The following ARL8B variants were observed in gnomAD, a reference collection of about 807,000 sequenced individuals.
The protein encoded by ARL8B is ARF like GTPase 8B.
In ARL8B, 9 loss-of-function variants were observed where a neutral mutation model predicts 30.6. That is an observed-to-expected ratio of 0.29 (90% CI 0.18 to 0.51). The LOEUF (loss-of-function observed/expected upper bound fraction) is 0.51, where lower values mean the gene tolerates loss of function less well. Ranked by LOEUF, ARL8B falls within the 20% of genes least tolerant of loss-of-function variation. The pLI, the probability that ARL8B is intolerant of heterozygous loss-of-function variation, is 0.97. For synonymous variants in ARL8B, 74 were observed against 76.0 expected (o/e 0.97, Z 0.14); for missense variants, 130 against 227.2 (o/e 0.57, Z 2.75).
chr3:5,159,602 C>CAAA (rs71053495), intron 1 of ARL8B, among the ~76,000 whole-genome samples: 40 of 76,952 alleles, frequency 5.2e-4, no homozygotes, highest in African/African-American at 5.6e-4. Flanking sequence ...AACTCCGTCT[C>CAAA]AAAAAAAAAA....
At chr3:5,158,817 C>A (rs2054554397) in intron 1 of ARL8B, among the ~76,000 whole-genome samples, 1 of 150,978 alleles carries the variant, frequency 6.6e-6, no homozygotes, top group South Asian at 2.1e-4. Context: ...TTTATTAGTC[C>A]CTTGATTCTG....
At chr3:5,169,305 T>TTGTG (rs10575722) in intron 1 of ARL8B, among the ~76,000 whole-genome samples, 1,571 of 142,958 alleles carry the variant, frequency 0.011, 10 homozygotes, top group Middle Eastern at 0.04. Context: ...AATACAGTGT[T>TTGTG]TGTGTGTGTG....
At chr3:5,150,867 T>G (rs4054852) in intron 1 of ARL8B, among the ~76,000 whole-genome samples, 62,293 of 151,710 alleles carry the variant, frequency 0.41, 14,067 homozygotes, top group African/African-American at 0.63. Flanking sequence ...TAAGAAGCTT[T>G]GAAGTTAGTG....
rs748811554 is a variant in ARL8B, at chr3:5,122,538, C to A, written c.73C>A (p.Leu25Ile). The change falls in exon 1 of 7, where the codon CTC becomes ATC. Residue 25 changes from leucine to isoleucine, a missense_variant. Physicochemically the swap from Leu to Ile is conservative, Grantham distance 5 (BLOSUM62 2). Transcript: ENST00000256496. ...CTGGAAGGAAGAGATGGAGCTGACG[C>A]TCGTGGGGCTGCAGTACTCGGGCAA... ...LFWKEEMELTLVGLQYSGKTT... is the reference protein window; with the variant it reads ...LFWKEEMELTIVGLQYSGKTT... 59 of 1,612,788 alleles carry A rather than the reference C, an allele frequency of 3.7e-5. No homozygotes were observed. In the Admixed American group the frequency reaches 8.0e-4, roughly 22 times the overall value.
At chr3:5,177,239 A>C (rs1309386226) in intron 6 of ARL8B, among the ~76,000 whole-genome samples, 3 of 152,214 alleles carry the variant, frequency 2.0e-5, no homozygotes, top group Non-Finnish European at 4.4e-5. Context: ...TAGTAATTTT[A>C]GAACTCCTGG....
intron 1 of ARL8B, among the ~76,000 whole-genome samples, chr3:5,155,405 T>C (rs2106564301): frequency 6.6e-6 from 1 of 152,160 alleles, no homozygotes; most frequent in Middle Eastern, 3.4e-3. Flanking sequence ...CTACTTGGAG[T>C]TTGATGAGCT....
intron 1 of ARL8B, among the ~76,000 whole-genome samples, chr3:5,147,359 T>C (rs2054429043): frequency 6.6e-6 from 1 of 152,206 alleles, no homozygotes; most frequent in Admixed American, 6.5e-5. Flanking sequence ...CTCATCCTTT[T>C]TTATGGCTGC....
chr3:5,161,842 C>CA (rs1204730300), intron 1 of ARL8B, among the ~76,000 whole-genome samples: 1 of 152,198 alleles, frequency 6.6e-6, no homozygotes, highest in East Asian at 1.9e-4. Flanking sequence ...CTTGGATACT[C>CA]AATCACCTCA....
intron 1 of ARL8B, among the ~76,000 whole-genome samples, chr3:5,135,206 AATC>A (rs2054314034): frequency 6.6e-6 from 1 of 152,142 alleles, no homozygotes; most frequent in Non-Finnish European, 1.5e-5. Flanking sequence ...TATTTTATGT[AATC>A]ATCCTTTCCT....
rs1315413980 is a variant in ARL8B, at chr3:5,180,773, G to T, written c.*2060G>T. ...TATTGGCAATTTTAACTTAAAATGT[G>T]CATCATGATGGAAGGTGCAGACTTT... On this transcript the variant is annotated 3_prime_UTR_variant, in exon 7 of 7. Coordinates refer to ENST00000256496, the MANE Select transcript of ARL8B (RefSeq NM_018184.3). The T allele has an allele frequency of 6.6e-6, 1 of 152,616 alleles. No individual in the cohort carries two copies. The highest frequency in any genetic ancestry group is 1.5e-5 in the Non-Finnish European group (1 of 68,044). 9.5% of individuals were successfully genotyped at this position (152,616 alleles called of 1,614,324 possible). A position where few individuals can be genotyped will look rare whatever the true frequency, so the allele number is the denominator to read the frequency against.
intron 1 of ARL8B, among the ~76,000 whole-genome samples, chr3:5,168,156 C>T (rs2054640195): frequency 1.3e-5 from 2 of 152,158 alleles, no homozygotes; most frequent in Non-Finnish European, 2.9e-5. Context: ...AGATCTCAAC[C>T]TCCACCTCCC....
chr3:5,122,488 T>G lies in ARL8B; in HGVS notation c.23T>G (p.Leu8Arg). Residue 8 changes from leucine to arginine, a missense_variant, in exon 1 of 7, where the codon CTG (leucine) becomes CGG (arginine). Leu to Arg is a moderately radical substitution (Grantham distance 102). Coordinates refer to ENST00000256496, the MANE Select transcript of ARL8B (RefSeq NM_018184.3). ...ATCATGCTGGCGCTCATCTCCCGCCTGCTGGACTGGTTCCGTTCGCTCTTC... is the reference window on the plus strand; with the variant it reads ...ATCATGCTGGCGCTCATCTCCCGCCGGCTGGACTGGTTCCGTTCGCTCTTC... MLALISR[L>R]LDWFRSLFWK... 1.2e-6 allele frequency: 2 copies of G among 1,613,656 alleles called. No individual in the cohort carries two copies. Among genetic ancestry groups the G allele is most frequent in the Non-Finnish European group, 1.7e-6 (2 of 1,179,762 alleles).
In ARL8B at chr3:5,170,505, A is replaced by T. The variant is rs746599382; in HGVS notation, c.126A>T (p.Ser42=). 3.1e-6 allele frequency: 5 copies of T among 1,607,510 alleles called. No individual in the cohort carries two copies. Among genetic ancestry groups the T allele is most frequent in the Non-Finnish European group, 4.2e-6 (5 of 1,176,578 alleles). ...GKTTFVNVIA[S]GQFSEDMIPT... is the part of the protein sequence containing the mutation. ...TTCAAATGTTTTATTTTGTTCAGTC[A>T]GGTCAATTCAGTGAAGATATGATAC... Residue 42 remains serine (S), a splice_region_variant and synonymous_variant, in exon 2 of 7, where the codon TCA becomes TCT. Coordinates refer to ENST00000256496, the MANE Select transcript of ARL8B (RefSeq NM_018184.3).
intron 1 of ARL8B, among the ~76,000 whole-genome samples, chr3:5,137,439 T>C (rs955634801): frequency 8.2e-5 from 5 of 60,696 alleles, no homozygotes; most frequent in East Asian, 4.0e-4. Context: ...AATTTTCTCT[T>C]TTTTTTTTTT....
intron 1 of ARL8B, among the ~76,000 whole-genome samples, chr3:5,130,534 GT>G (rs1363707680): frequency 3.1e-4 from 44 of 143,552 alleles, no homozygotes; most frequent in Middle Eastern, 3.6e-3. Context: ...GTGTGTGTGT[GT>G]TTTTTTTTTT....
At position 5,164,381 on chromosome 3, in the gene ARL8B, A is replaced by C. The variant is rs1246707012; in HGVS notation, c.124-6122A>C. ...TGAGATGCACTTGATATAATAAAGAATGAGGTAGTATTTGATTATTTCTAT... is the reference window on the plus strand; with the variant it reads ...TGAGATGCACTTGATATAATAAAGACTGAGGTAGTATTTGATTATTTCTAT... On this transcript the variant is annotated intron_variant, in intron 1 of 6. Coordinates refer to ENST00000256496, the MANE Select transcript of ARL8B (RefSeq NM_018184.3). Among the ~76,000 whole-genome samples the C allele has an allele frequency of 5.3e-5, 8 of 152,358 alleles. No individual in the cohort carries two copies. In the East Asian group the frequency reaches 1.5e-3, roughly 29 times the overall value.
At chr3:5,134,344 T>G (rs2054307585) in intron 1 of ARL8B, among the ~76,000 whole-genome samples, 1 of 152,252 alleles carries the variant, frequency 6.6e-6, no homozygotes, top group African/African-American at 2.4e-5. Context: ...GAATGCAGTC[T>G]GCCCAGAAGA....
intron 1 of ARL8B, among the ~76,000 whole-genome samples, chr3:5,133,737 A>G (rs2054302736): frequency 6.6e-6 from 1 of 152,194 alleles, no homozygotes; most frequent in African/African-American, 2.4e-5. Flanking sequence ...AGGCCAGCTT[A>G]GGCAACATAG....
intron 1 of ARL8B, among the ~76,000 whole-genome samples, chr3:5,147,557 A>T (rs1461648879): frequency 6.6e-6 from 1 of 152,092 alleles, no homozygotes; most frequent in African/African-American, 2.4e-5. Context: ...CTATGTCAGA[A>T]TCTATCATTC....
Sources: gnomAD v4.1 joint callset for allele counts (sites outside exome capture counted in the v4.1 genomes callset) on GRCh38, gnomAD v4.1.1 for gene constraint, MANE v1.5 for transcripts, NCBI Gene and HGNC (gene_info 2026-07-23, HGNC 2026-07-21) for gene names.